Variants in NMNAT1 observed in about 807,000 individuals in gnomAD.
The protein encoded by NMNAT1 is nicotinamide/nicotinic acid mononucleotide adenylyltransferase 1.
A neutral mutation model predicts 16.7 loss-of-function variants in NMNAT1; 11 were observed. That is an observed-to-expected ratio of 0.66 (90% CI 0.41 to 1.09). The LOEUF (loss-of-function observed/expected upper bound fraction) is 1.09. Among genes scored for constraint, NMNAT1 ranks in the 50% least tolerant of loss-of-function variants. The pLI is 0.00. For missense variants in NMNAT1, 280 were observed against 332.3 expected, an observed-to-expected ratio of 0.84 and a Z score of 1.22; for synonymous variants, 110 against 119.8, an observed-to-expected ratio of 0.92 and a Z score of 0.53.
At chr1:9,990,663 A>G in the NMNAT1 span, among the ~76,000 whole-genome samples, 4 of 152,198 alleles carry the variant, frequency 2.6e-5, no homozygotes, top group African/African-American at 7.2e-5. Flanking sequence ...CACAAGGTCC[A>G]TGCCAGTCTT....
At chr1:9,951,713 G>A (rs116448923) in intron 1 of NMNAT1, among the ~76,000 whole-genome samples, 4 of 152,114 alleles carry the variant, frequency 2.6e-5, no homozygotes, top group East Asian at 1.9e-4. Flanking sequence ...GGGCTCAATC[G>A]ATCTGCCTGC....
chr1:9,992,269 G>A, the NMNAT1 span, among the ~76,000 whole-genome samples: 6 of 151,792 alleles, frequency 4.0e-5, no homozygotes, highest in Non-Finnish European at 7.4e-5. Flanking sequence ...TTTTTATAGA[G>A]ACAGGACATT....
At chr1:9,954,380 C>A (rs1333636720) in intron 1 of NMNAT1, among the ~76,000 whole-genome samples, 2 of 146,672 alleles carry the variant, frequency 1.4e-5, no homozygotes, top group African/African-American at 5.4e-5. Context: ...CAGCTAACTT[C>A]TTCTATTTTT....
At position 9,978,059 on chromosome 1, in the gene NMNAT1, C is replaced by G. The variant is rs541787425; in HGVS notation, c.299+2284C>G. On this transcript the variant is annotated intron_variant, in intron 3 of 4. Coordinates refer to ENST00000377205, the MANE Select transcript of NMNAT1 (RefSeq NM_022787.4). Reference sequence around the variant, plus strand: ...AGAAAGGATTACTGGCTATAAATAGCGCAATAATAGGATCAGGCCGGGCAT... The same window carrying G: ...AGAAAGGATTACTGGCTATAAATAGGGCAATAATAGGATCAGGCCGGGCAT... Among the ~76,000 whole-genome samples, 101 of 151,770 alleles carry G rather than the reference C, an allele frequency of 6.7e-4. 1 individual carries two copies. The highest frequency in any genetic ancestry group is 8.7e-4 in the Non-Finnish European group (59 of 67,894).
At chr1:9,979,708 A>G (rs1330138248) in intron 3 of NMNAT1, among the ~76,000 whole-genome samples, 1 of 151,316 alleles carries the variant, frequency 6.6e-6, no homozygotes, top group Non-Finnish European at 1.5e-5. Flanking sequence ...AGGCTGAAGC[A>G]GGAGAATGGC....
intron 1 of NMNAT1, among the ~76,000 whole-genome samples, chr1:9,946,694 G>T (rs1239232206): frequency 6.6e-6 from 1 of 152,136 alleles, no homozygotes; most frequent in Non-Finnish European, 1.5e-5. Flanking sequence ...TGTATTTGGA[G>T]TAAGGAAATA....
chr1:9,972,287 G>C, intron 2 of NMNAT1, 99 bp downstream of exon 2: 1 of 702,128 alleles, frequency 1.4e-6, no homozygotes, highest in Admixed American at 2.1e-5. Flanking sequence ...GAGACGGGCA[G>C]ATCACAAGGT....
At chr1:9,995,032 G>GCTAC in the NMNAT1 span, among the ~76,000 whole-genome samples, 1 of 152,104 alleles carries the variant, frequency 6.6e-6, no homozygotes, top group African/African-American at 2.4e-5. Context: ...ACAGGTGTGA[G>GCTAC]CTACCATGCA....
At chr1:9,943,087 G>A (rs947249680), upstream of NMNAT1, 1 of 215,890 alleles carries the variant, frequency 4.6e-6, no homozygotes, top group African/African-American at 2.2e-5. Context: ...GAACCAACAG[G>A]ACTGGGTGAA....
intron 2 of NMNAT1, 86 bp downstream of exon 2, chr1:9,972,274 G>A: frequency 1.4e-6 from 1 of 727,098 alleles, no homozygotes; most frequent in South Asian, 1.5e-5. Context: ...ATTTTGGGAG[G>A]CTGAGACGGG....
intron 3 of NMNAT1, among the ~76,000 whole-genome samples, chr1:9,980,224 G>C (rs1018279191): frequency 6.6e-6 from 1 of 151,600 alleles, no homozygotes; most frequent in Admixed American, 6.6e-5. Flanking sequence ...GAGCCACCAC[G>C]CCCAGTCGAG....
intron 1 of NMNAT1, among the ~76,000 whole-genome samples, chr1:9,952,654 C>T (rs1641143625): frequency 6.6e-6 from 1 of 152,054 alleles, no homozygotes; most frequent in African/African-American, 2.4e-5. Context: ...TCTCCTGCCT[C>T]AGCCTCCCTA....
chr1:9,948,570 T>C (rs1641031709), intron 1 of NMNAT1, among the ~76,000 whole-genome samples: 1 of 152,038 alleles, frequency 6.6e-6, no homozygotes, highest in African/African-American at 2.4e-5. Context: ...CGAGACCCTG[T>C]CTCAAAATGA....
downstream of NMNAT1, among the ~76,000 whole-genome samples, chr1:9,989,779 AG>A (rs977550530): frequency 6.6e-6 from 1 of 152,214 alleles, no homozygotes; most frequent in Non-Finnish European, 1.5e-5. Flanking sequence ...CGGGTACAAA[AG>A]CCTGTCACAC....
Position 9,982,388 on chromosome 1 carries a change from A to G in NMNAT1, c.527A>G (p.Gln176Arg), listed in dbSNP as rs777788960. 6.2e-7 allele frequency: 1 copy of G among 1,614,162 alleles called. No individual in the cohort carries two copies. Among genetic ancestry groups the G allele is most frequent in the Non-Finnish European group, 8.5e-7 (1 of 1,180,040 alleles). ...TTGTGGAAGAGTGAAGACATCACCC[A>G]AATCGTGGCCAACTATGGGCTCATA... is the stretch of plus-strand genomic sequence containing the variant. ...PNLWKSEDIT[Q>R]IVANYGLICV... The change falls in exon 5 of 5, where the codon CAA (glutamine) becomes CGA (arginine). Residue 176 changes from glutamine to arginine, a missense_variant. Physicochemically the swap from Gln to Arg is conservative, Grantham distance 43. Transcript: ENST00000377205.
At chr1:9,982,232 C>T (rs1428359830) in intron 4 of NMNAT1, 69 bp from the exon 5 acceptor site, 2 of 1,512,606 alleles carry the variant, frequency 1.3e-6, no homozygotes, top group South Asian at 2.7e-5. Context: ...AAAAGTAAAC[C>T]CCTTTCCACT....
At chr1:9,957,060 G>A (rs1304178870) in intron 1 of NMNAT1, among the ~76,000 whole-genome samples, 3 of 150,492 alleles carry the variant, frequency 2.0e-5, no homozygotes, top group Admixed American at 6.6e-5. Context: ...GTGGAGTTTC[G>A]CTCTTGTCAC....
chr1:9,986,362 T>A (rs1194100062), downstream of NMNAT1, among the ~76,000 whole-genome samples: 1 of 152,252 alleles, frequency 6.6e-6, no homozygotes, highest in Non-Finnish European at 1.5e-5. Flanking sequence ...ATGTGTAATT[T>A]TACCCATAAA....
chr1:9,979,393 G>C (rs2101709598), intron 3 of NMNAT1, among the ~76,000 whole-genome samples: 1 of 152,228 alleles, frequency 6.6e-6, no homozygotes, highest in African/African-American at 2.4e-5. Context: ...TTGAGCCCAG[G>C]AGTTTTGGTT....
Sources: gnomAD v4.1 joint callset for allele counts (sites outside exome capture counted in the v4.1 genomes callset) on GRCh38, gnomAD v4.1.1 for gene constraint, MANE v1.5 for transcripts, NCBI Gene and HGNC (gene_info 2026-07-23, HGNC 2026-07-21) for gene names.